Variants in HHIPL1 observed in about 807,000 individuals in gnomAD.
HHIPL1 encodes HHIP like 1, also known as HHIP-like protein 1.
Under a neutral mutation model 61.8 loss-of-function variants are expected in HHIPL1, and 43 were observed. That is an observed-to-expected ratio of 0.70 (90% CI 0.55 to 0.90). The LOEUF is 0.90. HHIPL1 is among the 40% of genes least tolerant of loss of function. HHIPL1 has a pLI of 0.00. For synonymous variants in HHIPL1, 482 were observed against 515.8 expected (o/e 0.93, Z 0.89); for missense variants, 1,056 against 1,157.7 (o/e 0.91, Z 1.28).
At chr14:99,618,557 C>G in the HHIPL1 span, among the ~76,000 whole-genome samples, 3 of 152,252 alleles carry the variant, frequency 2.0e-5, no homozygotes, top group African/African-American at 7.2e-5. Context: ...AAGTCTACCT[C>G]TCCAGCCCTG....
chr14:99,623,911 A>T, the HHIPL1 span, among the ~76,000 whole-genome samples: 2 of 152,212 alleles, frequency 1.3e-5, no homozygotes, highest in Non-Finnish European at 2.9e-5. Context: ...AAGGGACTCT[A>T]TTAAAACGTA....
the HHIPL1 span, among the ~76,000 whole-genome samples, chr14:99,634,777 G>GGCA: frequency 6.6e-6 from 1 of 152,192 alleles, no homozygotes; most frequent in African/African-American, 2.4e-5. Context: ...AGGCAGCGAT[G>GGCA]GCAAGTCAGG....
the HHIPL1 span, among the ~76,000 whole-genome samples, chr14:99,630,269 C>A: frequency 0.95 from 145,414 of 152,316 alleles, 69,810 homozygotes; most frequent in East Asian, 1. Context: ...CATCGCACAC[C>A]GGGCAGGCGG....
the HHIPL1 span, among the ~76,000 whole-genome samples, chr14:99,628,417 TA>T: frequency 6.6e-6 from 1 of 151,644 alleles, no homozygotes; most frequent in Non-Finnish European, 1.5e-5. Flanking sequence ...CCGTCTCTAC[TA>T]AAAATACAAA....
chr14:99,659,854 C>CCCT, intron 4 of HHIPL1, 98 bp downstream of exon 4: 1 of 566,764 alleles, frequency 1.8e-6, no homozygotes, highest in African/African-American at 2.3e-5. Flanking sequence ...GCACCCCCCC[C>CCCT]CCCCCGGAGA....
chr14:99,623,501 C>T, the HHIPL1 span, among the ~76,000 whole-genome samples: 1 of 152,114 alleles, frequency 6.6e-6, no homozygotes, highest in Non-Finnish European at 1.5e-5. Flanking sequence ...GTAGTAGCCT[C>T]AACTTCCTGG....
the HHIPL1 span, among the ~76,000 whole-genome samples, chr14:99,631,404 G>A: frequency 1.3e-5 from 2 of 152,020 alleles, no homozygotes; most frequent in Admixed American, 6.6e-5. Flanking sequence ...ACCTTCTGGG[G>A]TACTGGAGTT....
At chr14:99,672,712 C>T (rs922225475) in intron 8 of HHIPL1, among the ~76,000 whole-genome samples, 3 of 152,116 alleles carry the variant, frequency 2.0e-5, no homozygotes, top group Admixed American at 6.5e-5. Context: ...CAAGGGAGAC[C>T]GGAAGAGTTG....
rs568054581 is a variant in HHIPL1 at position 99,675,307 on chromosome 14, G to A, written c.2030G>A (p.Arg677Gln). The change falls in exon 9 of 9, where the codon CGG (arginine) becomes CAG (glutamine). Residue 677 changes from arginine to glutamine, a missense_variant. Arg to Gln is a conservative substitution (Grantham distance 43, BLOSUM62 1). Transcript: ENST00000330710. The surrounding 1 kb of genome is among the most constrained non-coding windows in gnomAD (Gnocchi z 5.4). ...AFRDGEVRLV[R>Q]PAGLSSGSGR... is the part of the protein sequence containing the mutation. ...CGGGATGGCGAGGTGCGCCTGGTGC[G>A]GCCCGCGGGCCTGAGCTCTGGCAGC... is the stretch of plus-strand genomic sequence containing the variant. The A allele has an allele frequency of 3.9e-4, 516 of 1,328,648 alleles. No homozygotes were observed. The highest frequency in any genetic ancestry group is 4.8e-4 in the Non-Finnish European group (498 of 1,040,122). The allele number at this position is 1,328,648 out of a possible 1,614,324, so 82.3% of individuals were successfully genotyped here. A position where few individuals can be genotyped will look rare whatever the true frequency, so the allele number is the denominator to read the frequency against.
chr14:99,646,347 T>A (rs531338467), intron 1 of HHIPL1, among the ~76,000 whole-genome samples: 1 of 152,374 alleles, frequency 6.6e-6, no homozygotes, highest in East Asian at 1.9e-4. Flanking sequence ...CAGGGCCGTG[T>A]CCCAGCCTTC....
In HHIPL1 at chr14:99,651,750, C is replaced by T. The variant is rs576714675; in HGVS notation, c.256-474C>T. Among the ~76,000 whole-genome samples the T allele has an allele frequency of 5.9e-5, 9 of 152,188 alleles. No homozygotes were observed. The East Asian group carries it at 1.5e-3, about 26-fold the overall frequency. ...ATGATGGAGCTGTCCATGGGCAGAGCCAAGTTAGAGAGCACTTCGTGTTTT... is the reference window on the plus strand; with the variant it reads ...ATGATGGAGCTGTCCATGGGCAGAGTCAAGTTAGAGAGCACTTCGTGTTTT... On this transcript the variant is annotated intron_variant, in intron 1 of 8. Transcript: ENST00000330710.
chr14:99,659,809 C>G, intron 4 of HHIPL1, 53 bp downstream of exon 4: 7 of 1,262,366 alleles, frequency 5.5e-6, no homozygotes, highest in Non-Finnish European at 7.1e-6. Flanking sequence ...CCACCCCACC[C>G]CACCTGCTGT....
intron 6 of HHIPL1, among the ~76,000 whole-genome samples, chr14:99,666,243 C>T (rs2056242861): frequency 6.6e-6 from 1 of 152,164 alleles, no homozygotes; most frequent in Non-Finnish European, 1.5e-5. Context: ...CGGGGGAGAA[C>T]AGGACTGAGA....
At position 99,678,200 on chromosome 14, in the gene HHIPL1, C is replaced by T. The variant is rs1022793718; in HGVS notation, c.*2574C>T. 1.3e-5 allele frequency: 2 copies of T among 152,308 alleles called. No individual in the cohort carries two copies. The highest frequency in any genetic ancestry group is 6.5e-5 in the Admixed American group (1 of 15,284). The allele number at this position is 152,308 out of a possible 1,614,324, so 9.4% of individuals were successfully genotyped here. Reference sequence around the variant, plus strand: ...CTCAGGTGGGAATGCTTGCTCCCCACACTACCCTGCCCCACTGCCACTCAC... The same window carrying T: ...CTCAGGTGGGAATGCTTGCTCCCCATACTACCCTGCCCCACTGCCACTCAC... On this transcript the variant is annotated 3_prime_UTR_variant, in exon 9 of 9. Coordinates refer to ENST00000330710, the MANE Select transcript of HHIPL1 (RefSeq NM_001127258.3).
upstream of HHIPL1, among the ~76,000 whole-genome samples, chr14:99,641,300 A>G (rs2055748424): frequency 6.6e-6 from 1 of 151,992 alleles, no homozygotes; most frequent in East Asian, 1.9e-4. Context: ...CTCCTGAAGG[A>G]TAATTTCACT....
Position 99,668,773 on chromosome 14 carries a change from C to T in HHIPL1, c.1730+470C>T. On this transcript the variant is annotated intron_variant, in intron 7 of 8. Coordinates refer to ENST00000330710, the MANE Select transcript of HHIPL1 (RefSeq NM_001127258.3). The surrounding 1 kb of genome is among the most constrained non-coding windows in gnomAD (Gnocchi z 4.7). ...CCTTCCTCCTGTGGTCCATCTTCCA[C>T]TGGGGAAAACACATTGGGGCTCCCT... is the stretch of plus-strand genomic sequence containing the variant. 1 of 1,590,402 alleles carries T rather than the reference C, an allele frequency of 6.3e-7. No homozygotes were observed.
chr14:99,637,085 A>G, the HHIPL1 span, among the ~76,000 whole-genome samples: 2 of 122,984 alleles, frequency 1.6e-5, no homozygotes, highest in African/African-American at 6.4e-5. Context: ...AGAGAGAAAG[A>G]AAGAAAGAAG....
At chr14:99,674,120 C>A (rs1195352498) in intron 8 of HHIPL1, among the ~76,000 whole-genome samples, 1 of 151,858 alleles carries the variant, frequency 6.6e-6, no homozygotes, top group Non-Finnish European at 1.5e-5. Flanking sequence ...TGCTGAGAGG[C>A]CCTTTCTCAG....
At chr14:99,664,213 G>A (rs2056203174) in intron 6 of HHIPL1, among the ~76,000 whole-genome samples, 1 of 152,162 alleles carries the variant, frequency 6.6e-6, no homozygotes, top group African/African-American at 2.4e-5. Flanking sequence ...CCCACCCAGG[G>A]GCCTTTGGAG....
Sources: gnomAD v4.1 joint callset for allele counts (sites outside exome capture counted in the v4.1 genomes callset) on GRCh38, gnomAD v4.1.1 for gene constraint, Gnocchi (gnomAD v3.1) non-coding constraint, MANE v1.5 for transcripts, NCBI Gene and HGNC (gene_info 2026-07-23, HGNC 2026-07-21) for gene names.